The following CBLB variants were observed in gnomAD, a reference collection of about 807,000 sequenced individuals.
CBLB encodes the protein Cbl proto-oncogene B, also known as E3 ubiquitin-protein ligase CBL-B.
A neutral mutation model predicts 104.9 loss-of-function variants in CBLB; 31 were observed. The observed-to-expected ratio is 0.30, with a 90% CI of 0.22 to 0.40. The LOEUF (loss-of-function observed/expected upper bound fraction) is 0.40. CBLB is among the 10% of genes least tolerant of loss of function. CBLB has a pLI of 1.00. For synonymous variants in CBLB, 440 were observed against 422.6 expected, an observed-to-expected ratio of 1.04 and a Z score of -0.51; for missense variants, 1,062 against 1,214.6, an observed-to-expected ratio of 0.87 and a Z score of 1.87.
chr3:105,691,384 T>A (rs2152751556), intron 13 of CBLB, among the ~76,000 whole-genome samples: 1 of 152,350 alleles, frequency 6.6e-6, no homozygotes, highest in Non-Finnish European at 1.5e-5. Context: ...TGACTAATTT[T>A]AGATGCACTT....
intron 18 of CBLB, among the ~76,000 whole-genome samples, chr3:105,665,101 C>T (rs2064224959): frequency 6.6e-6 from 1 of 152,056 alleles, no homozygotes; most frequent in Non-Finnish European, 1.5e-5. Flanking sequence ...TATAAATTGA[C>T]ATTAATAGTA....
intron 17 of CBLB, chr3:105,674,020 G>C (rs924363440): frequency 6.6e-6 from 1 of 152,170 alleles, no homozygotes; most frequent in Non-Finnish European, 1.5e-5. Context: ...AGGAAGGCTT[G>C]TGACCACTGA....
At chr3:105,837,039 A>G (rs1271712315) in intron 3 of CBLB, among the ~76,000 whole-genome samples, 1 of 152,222 alleles carries the variant, frequency 6.6e-6, no homozygotes, top group Non-Finnish European at 1.5e-5. Flanking sequence ...AAAAGGAAAG[A>G]AAAAGAGATA....
chr3:105,836,062 T>A (rs1320124408), intron 3 of CBLB, among the ~76,000 whole-genome samples: 1 of 152,354 alleles, frequency 6.6e-6, no homozygotes. Flanking sequence ...ACTGCTTGCC[T>A]TTTGTGCCTC....
At chr3:105,801,949 A>G (rs1340437478) in intron 3 of CBLB, among the ~76,000 whole-genome samples, 1 of 152,240 alleles carries the variant, frequency 6.6e-6, no homozygotes. Context: ...TGGATTCTAA[A>G]AGGGACTGAG....
In CBLB at chr3:105,688,218, T is replaced by C. The variant is rs934395762; in HGVS notation, c.2055-2752A>G. ...ACATTAAAGCCTACCATTACACTTA[T>C]TACTGCAATCCCTTTATATTCTCAT... On this transcript the variant is annotated intron_variant, in intron 13 of 18. Coordinates refer to ENST00000394030, the MANE Select transcript of CBLB (RefSeq NM_170662.5). Among the ~76,000 whole-genome samples the C allele has an allele frequency of 1.8e-4, 27 of 152,040 alleles. 1 individual carries two copies.
At position 105,781,620 on chromosome 3, in the gene CBLB, C is replaced by T. The variant is rs1238394143; in HGVS notation, c.420-5078G>A. 5.9e-5 allele frequency among the ~76,000 whole-genome samples: 9 copies of T among 152,230 alleles called. No homozygotes were observed. The South Asian group carries it at 1.9e-3, about 32-fold the overall frequency. ...GCCTCCACTAAATGCAGGAGACTCA[C>T]ACAAAGAATGTAATCTAATTAGATT... is the stretch of plus-strand genomic sequence containing the variant. On this transcript the variant is annotated intron_variant, in intron 3 of 18. Transcript: ENST00000394030.
chr3:105,727,215 T>C (rs1234668742), intron 9 of CBLB, among the ~76,000 whole-genome samples: 5 of 152,228 alleles, frequency 3.3e-5, no homozygotes, highest in Admixed American at 1.3e-4. Flanking sequence ...CCAGCATCTG[T>C]TGTTTCCTGA....
At chr3:105,794,977 G>A (rs1274204148) in intron 3 of CBLB, among the ~76,000 whole-genome samples, 2 of 150,738 alleles carry the variant, frequency 1.3e-5, no homozygotes, top group South Asian at 2.1e-4. Context: ...GTGCAGTGGC[G>A]CTAACTCAGC....
chr3:105,782,237 C>T (rs1337924442), intron 3 of CBLB, among the ~76,000 whole-genome samples: 2 of 152,166 alleles, frequency 1.3e-5, no homozygotes, highest in African/African-American at 2.4e-5. Flanking sequence ...GAGTACACAA[C>T]AGACATTAAA....
At chr3:105,665,416 A>AAT (rs71111381) in intron 18 of CBLB, among the ~76,000 whole-genome samples, 9 of 98,654 alleles carry the variant, frequency 9.1e-5, no homozygotes, top group South Asian at 3.6e-4. Context: ...TAAATAAATA[A>AAT]ATATATATAT....
chr3:105,809,190 T>A lies in CBLB; in HGVS notation c.420-32648A>T, dbSNP rs376147033. Among the ~76,000 whole-genome samples the A allele has an allele frequency of 9.2e-5, 14 of 152,370 alleles. No individual in the cohort carries two copies. In the East Asian group the frequency reaches 2.7e-3, roughly 29 times the overall value. The stretch of plus-strand genomic sequence containing the variant: ...TTAAAACATAACTTTGGTTTTATTA[T>A]ACTCAACCTTGTTATAATAACATCA... On this transcript the variant is annotated intron_variant, in intron 3 of 18. Transcript: ENST00000394030.
rs146442668 is a variant in CBLB, at chr3:105,813,609, T to A, written c.420-37067A>T. Among the ~76,000 whole-genome samples the A allele has an allele frequency of 1.0e-3, 157 of 152,226 alleles. 2 individuals carry two copies. In the East Asian group the frequency reaches 0.029, roughly 28 times the overall value. On this transcript the variant is annotated intron_variant, in intron 3 of 18. Coordinates refer to ENST00000394030, the MANE Select transcript of CBLB (RefSeq NM_170662.5). ...AAAATAAAAATTAAAATTAAAAGTC[T>A]TTAAAGGTTTGTAAGGTTATTCCTC...
At chr3:105,678,645 T>C (rs1190023105) in intron 16 of CBLB, 74 bp from the exon 17 acceptor site, 5 of 1,459,442 alleles carry the variant, frequency 3.4e-6, no homozygotes, top group South Asian at 1.2e-5. Context: ...ACAAAAGTAA[T>C]AATTGATTTT....
At chr3:105,724,479 T>C (rs1350607251) in intron 9 of CBLB, among the ~76,000 whole-genome samples, 2 of 152,118 alleles carry the variant, frequency 1.3e-5, no homozygotes, top group African/African-American at 4.8e-5. Context: ...TTACAGGGCA[T>C]AATGAGATAA....
intron 3 of CBLB, among the ~76,000 whole-genome samples, chr3:105,802,178 T>C (rs2082954107): frequency 2.0e-5 from 3 of 152,220 alleles, no homozygotes; most frequent in Admixed American, 1.3e-4. Flanking sequence ...GATTCTTTTC[T>C]TCATTACTCG....
At chr3:105,722,355 G>A (rs191601945) in intron 9 of CBLB, among the ~76,000 whole-genome samples, 68 of 152,102 alleles carry the variant, frequency 4.5e-4, no homozygotes, top group Non-Finnish European at 7.9e-4. Flanking sequence ...GAAAATCTCA[G>A]ATACACATAA....
intron 2 of CBLB, among the ~76,000 whole-genome samples, chr3:105,859,194 T>C (rs373757000): frequency 7.2e-5 from 11 of 152,272 alleles, no homozygotes; most frequent in Non-Finnish European, 1.6e-4. Flanking sequence ...CTGTGAAACA[T>C]AGGAAAGAAC....
At position 105,656,977 on chromosome 3, in the gene CBLB, G is replaced by A. The variant is rs2063392358; in HGVS notation, c.*1993C>T. On this transcript the variant is annotated 3_prime_UTR_variant, in exon 19 of 19. Transcript: ENST00000394030. Reference sequence around the variant, plus strand: ...TGCCAATGCAATTTTAAAAGTGTAAGAAACTTCACTCATGTACCTACTCAT... The same window carrying A: ...TGCCAATGCAATTTTAAAAGTGTAAAAAACTTCACTCATGTACCTACTCAT... The A allele has an allele frequency of 9.0e-6, 2 of 221,738 alleles. No homozygotes were observed. The highest frequency in any genetic ancestry group is 1.8e-5 in the Non-Finnish European group (2 of 110,770). The allele number at this position is 221,738 out of a possible 1,614,324, so 13.7% of individuals were successfully genotyped here. A position where few individuals can be genotyped will look rare whatever the true frequency, so the allele number is the denominator to read the frequency against.
Sources: gnomAD v4.1 joint callset for allele counts (sites outside exome capture counted in the v4.1 genomes callset) on GRCh38, gnomAD v4.1.1 for gene constraint, MANE v1.5 for transcripts, NCBI Gene and HGNC (gene_info 2026-07-23, HGNC 2026-07-21) for gene names.